Variants in TRIM71 observed in about 807,000 individuals in gnomAD.
TRIM71 encodes tripartite motif containing 71, also known as E3 ubiquitin-protein ligase TRIM71.
Under a neutral mutation model 61.2 loss-of-function variants are expected in TRIM71, and 9 were observed. The observed-to-expected ratio is 0.15, with a 90% CI of 0.09 to 0.26. TRIM71 has a LOEUF of 0.26. TRIM71 is among the 10% of genes least tolerant of loss of function. TRIM71 has a pLI of 1.00. For missense variants in TRIM71, 998 were observed against 1,238.7 expected, an observed-to-expected ratio of 0.81 and a Z score of 2.92; for synonymous variants, 645 against 553.2, an observed-to-expected ratio of 1.17 and a Z score of -2.33.
chr3:32,823,511 G>C (rs1336121090), intron 1 of TRIM71, among the ~76,000 whole-genome samples: 1 of 152,186 alleles, frequency 6.6e-6, no homozygotes, highest in Non-Finnish European at 1.5e-5. Flanking sequence ...TTTGATACAA[G>C]ATTTTTATTT....
chr3:32,841,232 G>A (rs903215375), intron 1 of TRIM71, among the ~76,000 whole-genome samples: 9 of 151,852 alleles, frequency 5.9e-5, no homozygotes, highest in African/African-American at 1.5e-4. Flanking sequence ...GCGACAGAGC[G>A]AGACTCTGTC....
intron 1 of TRIM71, among the ~76,000 whole-genome samples, chr3:32,821,894 C>G (rs981783641): frequency 6.6e-6 from 1 of 152,026 alleles, no homozygotes; most frequent in African/African-American, 2.4e-5. Flanking sequence ...CTCTTCTCCC[C>G]GCAGGCACCC....
chr3:32,833,158 C>T (rs1291052547), intron 1 of TRIM71, among the ~76,000 whole-genome samples: 1 of 109,266 alleles, frequency 9.2e-6, no homozygotes, highest in African/African-American at 3.4e-5. Flanking sequence ...ACTCCAGCCT[C>T]GGTGACAAGA....
chr3:32,874,685 G>C (rs898661307), intron 2 of TRIM71, among the ~76,000 whole-genome samples: 1 of 151,914 alleles, frequency 6.6e-6, no homozygotes, highest in African/African-American at 2.4e-5. Context: ...ACCACGCCCG[G>C]CTAATTTTTT....
chr3:32,869,801 A>G (rs1696776624), intron 1 of TRIM71, among the ~76,000 whole-genome samples: 1 of 152,146 alleles, frequency 6.6e-6, no homozygotes, highest in African/African-American at 2.4e-5. Flanking sequence ...AGCTGGGGGC[A>G]GGGAAGAGGG....
intron 1 of TRIM71, among the ~76,000 whole-genome samples, chr3:32,820,470 T>C (rs1244637676): frequency 6.6e-6 from 1 of 152,234 alleles, no homozygotes; most frequent in African/African-American, 2.4e-5. Context: ...GGGTTCATGT[T>C]CTTTCATCAC....
In TRIM71 at chr3:32,858,670, G is replaced by A. The variant is rs140317947; in HGVS notation, c.853-15148G>A. On this transcript the variant is annotated intron_variant, in intron 1 of 3. Transcript: ENST00000383763. The stretch of plus-strand genomic sequence containing the variant: ...TTGTGGAAAGACTAAGGAAAGCCAC[G>A]TAGGGCCTCAGAACAATTTGGGGGA... Among the ~76,000 whole-genome samples the A allele has an allele frequency of 9.2e-5, 14 of 152,286 alleles. No homozygotes were observed. In the South Asian group the frequency reaches 1.2e-3, roughly 14 times the overall value.
At chr3:32,840,510 G>A (rs541681897) in intron 1 of TRIM71, among the ~76,000 whole-genome samples, 1 of 152,246 alleles carries the variant, frequency 6.6e-6, no homozygotes, top group East Asian at 1.9e-4. Context: ...TAGAGACAAA[G>A]CCCCGAAATT....
chr3:32,831,049 C>T (rs1474403603), intron 1 of TRIM71, among the ~76,000 whole-genome samples: 4 of 152,072 alleles, frequency 2.6e-5, no homozygotes, highest in African/African-American at 9.7e-5. Context: ...CCGCCTACCT[C>T]GGCCTCCCAA....
chr3:32,841,644 C>T (rs902842147), intron 1 of TRIM71, among the ~76,000 whole-genome samples: 3 of 152,074 alleles, frequency 2.0e-5, no homozygotes, highest in Non-Finnish European at 4.4e-5. Flanking sequence ...AGAAAAAGCC[C>T]CAGAGGCAGG....
chr3:32,888,441 A>C (rs1424013244), intron 3 of TRIM71, among the ~76,000 whole-genome samples: 1 of 1,266 alleles, frequency 7.9e-4, no homozygotes, highest in African/African-American at 1.2e-3. Context: ...TACCAAAAAA[A>C]AAAAAAAAAA....
chr3:32,853,686 G>T (rs1165705396), intron 1 of TRIM71, among the ~76,000 whole-genome samples: 2 of 152,184 alleles, frequency 1.3e-5, no homozygotes, highest in Admixed American at 6.5e-5. Flanking sequence ...TGGTAAGTTT[G>T]TCAAGTCTGG....
chr3:32,868,435 T>G (rs1696762087), intron 1 of TRIM71, among the ~76,000 whole-genome samples: 1 of 152,182 alleles, frequency 6.6e-6, no homozygotes, highest in Non-Finnish European at 1.5e-5. Flanking sequence ...TGCTTGCGAT[T>G]TTTCAAAAAT....
At chr3:32,871,422 C>T (rs945431134) in intron 1 of TRIM71, among the ~76,000 whole-genome samples, 3 of 152,240 alleles carry the variant, frequency 2.0e-5, no homozygotes, top group African/African-American at 4.8e-5. Flanking sequence ...GGAGGCCACC[C>T]GAAGGTTTGG....
In TRIM71 at chr3:32,824,075, A is replaced by G. The variant is rs117504898; in HGVS notation, c.852+5143A>G. Among the ~76,000 whole-genome samples the G allele has an allele frequency of 1.3e-3, 194 of 152,354 alleles. 1 individual carries two copies. The East Asian group carries it at 0.036, about 28-fold the overall frequency. The stretch of plus-strand genomic sequence containing the variant: ...GGGCAACAGTGAGACTTGTCTCAAA[A>G]AAAGAAAAAAAAAAGTGTTTGAAGA... On this transcript the variant is annotated intron_variant, in intron 1 of 3. Transcript: ENST00000383763.
rs1331861525 is a variant in TRIM71, at chr3:32,818,436, T to C, written c.356T>C (p.Leu119Pro). The C allele has an allele frequency of 1.4e-6, 2 of 1,473,182 alleles. No homozygotes were observed. Among genetic ancestry groups the C allele is most frequent in the Non-Finnish European group, 1.8e-6 (2 of 1,116,918 alleles). The allele number at this position is 1,473,182 out of a possible 1,614,324, so 91.3% of individuals were successfully genotyped here. Residue 119 changes from leucine (L) to proline (P), a missense_variant, in exon 1 of 4, where the codon CTG (leucine) becomes CCG (proline). This residue lies in a region of TRIM71 where 527 missense variants were observed against 427.8 expected (regional missense o/e 1.23). Transcript: ENST00000383763. Reference sequence around the variant, plus strand: ...TCGTCCGCCTTCCTGCTTAGCAACCTGCTCGACGCGGTGGTGGCCACTGCC... The same window carrying C: ...TCGTCCGCCTTCCTGCTTAGCAACCCGCTCGACGCGGTGGTGGCCACTGCC... Reference protein sequence around the residue: ...LPSSAFLLSNLLDAVVATADE... With the variant: ...LPSSAFLLSNPLDAVVATADE...
chr3:32,818,720 G>C lies in TRIM71; in HGVS notation c.640G>C (p.Asp214His). Residue 214 changes from aspartate to histidine, a missense_variant, in exon 1 of 4, where the codon GAC (aspartate) becomes CAC (histidine). Physicochemically the swap from Asp to His is moderately conservative, Grantham distance 81. This residue lies in a region of TRIM71 where 527 missense variants were observed against 427.8 expected (regional missense o/e 1.23). Transcript: ENST00000383763. ...CAACGCAGCTTCTTCGCGCTGCCTC[G>C]ACTGCCAGGAGCACCTGTGCGACAA... ...EGNAASSRCL[D>H]CQEHLCDNCV... The C allele has an allele frequency of 6.3e-7, 1 of 1,594,928 alleles. No homozygotes were observed.
At chr3:32,869,201 G>A (rs538096199) in intron 1 of TRIM71, among the ~76,000 whole-genome samples, 1 of 152,168 alleles carries the variant, frequency 6.6e-6, no homozygotes, top group South Asian at 2.1e-4. Context: ...TTCTGTAGTG[G>A]GAAACTCAGA....
In TRIM71 at chr3:32,897,701, A is replaced by G. The variant is rs1471504114; in HGVS notation, c.*5890A>G. 2 of 152,344 alleles carry G rather than the reference A, an allele frequency of 1.3e-5. No homozygotes were observed. The highest frequency in any genetic ancestry group is 3.9e-4 in the East Asian group (2 of 5,194). 9.4% of individuals were successfully genotyped at this position (152,344 alleles called of 1,614,324 possible). A position where few individuals can be genotyped will look rare whatever the true frequency, so the allele number is the denominator to read the frequency against. On this transcript the variant is annotated 3_prime_UTR_variant, in exon 4 of 4. Coordinates refer to ENST00000383763, the MANE Select transcript of TRIM71 (RefSeq NM_001039111.3). Reference sequence around the variant, plus strand: ...ACAGAGAAGGCTGGAGGAGGTAGCAAGGAGATGCTGTATCAGCTACTACAG... The same window carrying G: ...ACAGAGAAGGCTGGAGGAGGTAGCAGGGAGATGCTGTATCAGCTACTACAG...
Sources: allele counts gnomAD v4.1 joint callset (sites outside exome capture counted in the v4.1 genomes callset), GRCh38; gene constraint gnomAD v4.1.1; regional missense constraint gnomAD v4.1.1; transcripts MANE v1.5; gene names NCBI Gene and HGNC (gene_info 2026-07-23, HGNC 2026-07-21).